Variants in FOXP1 observed in about 807,000 individuals in gnomAD.
The protein encoded by FOXP1 is forkhead box protein P1.
A neutral mutation model predicts 98.2 loss-of-function variants in FOXP1; 15 were observed. That is an observed-to-expected ratio of 0.15 (90% CI 0.10 to 0.24). The LOEUF is 0.24. Ranked by LOEUF, FOXP1 falls within the 10% of genes least tolerant of loss-of-function variation. The pLI, the probability that FOXP1 is intolerant of heterozygous loss-of-function variation, is 1.00. For synonymous variants in FOXP1, 371 were observed against 314.5 expected (o/e 1.18, Z -1.90); for missense variants, 633 against 848.5 (o/e 0.75, Z 3.15).
At position 71,053,667 on chromosome 3, in the gene FOXP1, A is replaced by G; in HGVS notation, c.389T>C (p.Leu130Pro). 6.2e-7 allele frequency: 1 copy of G among 1,614,080 alleles called. No individual in the cohort carries two copies. Among genetic ancestry groups the G allele is most frequent in the Non-Finnish European group, 8.5e-7 (1 of 1,179,996 alleles). Reference sequence around the variant, plus strand: ...AAGCATGAGGGCCTGCTGCTGCTGGAGGAGAACCTGGAGCTGCTGAGGGCT... The same window carrying G: ...AAGCATGAGGGCCTGCTGCTGCTGGGGGAGAACCTGGAGCTGCTGAGGGCT... ...VLSPQQLQVL[L>P]QQQQALMLQQ... The change falls in exon 8 of 21, where the codon CTC (leucine) becomes CCC (proline). Residue 130 changes from leucine to proline, a missense_variant. Around this residue, in one of 6 missense-constraint regions of FOXP1, gnomAD observed 210 missense variants for 270.6 expected, o/e 0.78. Coordinates refer to ENST00000649528, the MANE Select transcript of FOXP1 (RefSeq NM_001349338.3).
chr3:70,982,329 G>A (rs746115058), intron 14 of FOXP1, among the ~76,000 whole-genome samples: 1 of 152,202 alleles, frequency 6.6e-6, no homozygotes, highest in African/African-American at 2.4e-5. Flanking sequence ...GTTTCTGATT[G>A]CAGTTCAGGT....
intron 8 of FOXP1, among the ~76,000 whole-genome samples, 178 bp from the exon 9 acceptor site, chr3:71,052,804 T>C (rs894357388): frequency 6.6e-6 from 1 of 152,218 alleles, no homozygotes; most frequent in African/African-American, 2.4e-5. Flanking sequence ...GGCATTATTG[T>C]TTGAAAAGTA....
intron 4 of FOXP1, among the ~76,000 whole-genome samples, chr3:71,331,638 G>C (rs1419229734): frequency 6.6e-6 from 1 of 152,190 alleles, no homozygotes; most frequent in African/African-American, 2.4e-5. Context: ...TCTGTATCTA[G>C]CTCAAGGTTT....
chr3:70,998,901 A>T (rs891795117), intron 13 of FOXP1, among the ~76,000 whole-genome samples: 2 of 152,202 alleles, frequency 1.3e-5, no homozygotes, highest in East Asian at 3.9e-4. Context: ...TTCTTGAGTA[A>T]TTAACAATGG....
chr3:71,191,040 T>C (rs1369985449), intron 6 of FOXP1, among the ~76,000 whole-genome samples: 2 of 152,244 alleles, frequency 1.3e-5, no homozygotes, highest in Admixed American at 1.3e-4. Context: ...ATAAAAGCAG[T>C]CACCTTGTAA....
chr3:71,046,269 T>C (rs965019526), intron 10 of FOXP1, among the ~76,000 whole-genome samples: 9 of 152,330 alleles, frequency 5.9e-5, no homozygotes, highest in Non-Finnish European at 1.2e-4. Context: ...AAAATGTCAG[T>C]GGGCTTTGTA....
chr3:71,098,039 G>T (rs2056626090), intron 7 of FOXP1, among the ~76,000 whole-genome samples: 1 of 152,142 alleles, frequency 6.6e-6, no homozygotes, highest in Non-Finnish European at 1.5e-5. Context: ...TTAGTTATTT[G>T]TGCAAAGGAC....
chr3:71,318,742 G>C (rs1412313635), intron 4 of FOXP1, among the ~76,000 whole-genome samples: 1 of 152,180 alleles, frequency 6.6e-6, no homozygotes, highest in Admixed American at 6.5e-5. Context: ...GAGGTGATTA[G>C]AATAGAGCTA....
chr3:71,514,735 C>CT (rs1185743521), intron 2 of FOXP1, among the ~76,000 whole-genome samples: 1 of 152,200 alleles, frequency 6.6e-6, no homozygotes, highest in Non-Finnish European at 1.5e-5. Flanking sequence ...GCACGTACAC[C>CT]ACAGTTCTGT....
rs528119333 is a variant in FOXP1 at position 71,325,883 on chromosome 3, T to C, written c.-72-26003A>G. ...ATTTTGTATGAAACATCTGTGGGAT[T>C]TGAATGGAGAAGAGAACGCCTGATG... is the stretch of plus-strand genomic sequence containing the variant. On this transcript the variant is annotated intron_variant, in intron 4 of 20. Coordinates refer to ENST00000649528, the MANE Select transcript of FOXP1 (RefSeq NM_001349338.3). Among the ~76,000 whole-genome samples, 10 of 152,270 alleles carry C rather than the reference T, an allele frequency of 6.6e-5. No homozygotes were observed. In the South Asian group the frequency reaches 1.7e-3, roughly 25 times the overall value.
chr3:71,579,632 C>CTTTT (rs35646548), intron 2 of FOXP1, among the ~76,000 whole-genome samples: 7 of 122,994 alleles, frequency 5.7e-5, no homozygotes, highest in African/African-American at 1.6e-4. Flanking sequence ...TTTCTTTTTT[C>CTTTT]TTTTTTTTTT....
chr3:71,067,731 T>TACACACACACAC (rs6147878), intron 7 of FOXP1, among the ~76,000 whole-genome samples: 14,267 of 126,396 alleles, frequency 0.11, 1,009 homozygotes, highest in Middle Eastern at 0.16. Flanking sequence ...TCTCCAAAAA[T>TACACACACACAC]ACACACACAC....
At chr3:71,420,258 T>G (rs895353619) in intron 3 of FOXP1, among the ~76,000 whole-genome samples, 10 of 152,200 alleles carry the variant, frequency 6.6e-5, no homozygotes, top group Admixed American at 3.9e-4. Flanking sequence ...TATATTATAC[T>G]ACAAATGTAT....
intron 3 of FOXP1, among the ~76,000 whole-genome samples, chr3:71,488,201 C>T (rs1223248158): frequency 6.6e-6 from 1 of 152,126 alleles, no homozygotes; most frequent in Non-Finnish European, 1.5e-5. Context: ...AAACTGTCAC[C>T]TCCAATAGAA....
At chr3:71,549,520 A>G (rs1412303525) in intron 2 of FOXP1, among the ~76,000 whole-genome samples, 2 of 152,254 alleles carry the variant, frequency 1.3e-5, no homozygotes, top group African/African-American at 4.8e-5. Flanking sequence ...GATCACAGGC[A>G]TACACCATCA....
chr3:71,470,805 G>C (rs753565241), intron 3 of FOXP1, among the ~76,000 whole-genome samples: 1 of 152,180 alleles, frequency 6.6e-6, no homozygotes, highest in East Asian at 1.9e-4. Context: ...GCTGAACTAG[G>C]AGATCTCATA....
chr3:71,142,557 G>A lies in FOXP1; in HGVS notation c.181-29920C>T, dbSNP rs562285970. Reference sequence around the variant, plus strand: ...CACGATGGAAGAGACCATATGGCAAGAAATGTGGGTAGACTCTAGATGCTG... The same window carrying A: ...CACGATGGAAGAGACCATATGGCAAAAAATGTGGGTAGACTCTAGATGCTG... On this transcript the variant is annotated intron_variant, in intron 6 of 20. Transcript: ENST00000649528. 1.2e-3 allele frequency among the ~76,000 whole-genome samples: 189 copies of A among 152,364 alleles called. 1 individual carries two copies. The highest frequency in any genetic ancestry group is 4.4e-3 in the African/African-American group (181 of 41,574).
chr3:71,331,560 C>A (rs1012855503), intron 4 of FOXP1, among the ~76,000 whole-genome samples: 1 of 152,262 alleles, frequency 6.6e-6, no homozygotes, highest in African/African-American at 2.4e-5. Flanking sequence ...AACTGGGCTC[C>A]TGAGTCTAGT....
chr3:71,405,618 A>G (rs73837148), intron 3 of FOXP1, among the ~76,000 whole-genome samples: 1,824 of 152,266 alleles, frequency 0.012, 45 homozygotes, highest in African/African-American at 0.042. Flanking sequence ...TCCCAGCTGC[A>G]CCTCAGAATC....
Sources: gnomAD v4.1 joint callset for allele counts (sites outside exome capture counted in the v4.1 genomes callset) on GRCh38, gnomAD v4.1.1 for gene constraint, gnomAD v4.1.1 regional missense constraint, MANE v1.5 for transcripts, NCBI Gene and HGNC (gene_info 2026-07-23, HGNC 2026-07-21) for gene names.